Variants in DZIP3 observed in about 807,000 individuals in gnomAD.
The protein encoded by DZIP3 is DAZ interacting zinc finger protein 3, also known as E3 ubiquitin-protein ligase DZIP3.
A neutral mutation model predicts 162.0 loss-of-function variants in DZIP3; 118 were observed. The ratio of observed to expected loss-of-function variants is 0.73; its 90% CI spans 0.63 to 0.85. DZIP3 has a LOEUF of 0.85. Among genes scored for constraint, DZIP3 ranks in the 40% least tolerant of loss-of-function variants. The probability of loss-of-function intolerance (pLI) is 0.00; values close to 1 mark genes in which losing one functional copy is unlikely to be tolerated. For missense variants in DZIP3, 1,331 were observed against 1,407.0 expected, an observed-to-expected ratio of 0.95 and a Z score of 0.86; for synonymous variants, 438 against 458.6, an observed-to-expected ratio of 0.96 and a Z score of 0.57.
intron 6 of DZIP3, 51 bp downstream of exon 6, chr3:108,624,575 A>G (rs1941510197): frequency 9.8e-7 from 1 of 1,022,746 alleles, no homozygotes; most frequent in South Asian, 1.7e-5. Flanking sequence ...TCTTGGAATA[A>G]TCAGGCCAAA....
At chr3:108,591,170 A>G (rs1161212110) in intron 1 of DZIP3, among the ~76,000 whole-genome samples, 1 of 152,234 alleles carries the variant, frequency 6.6e-6, no homozygotes. Flanking sequence ...GAAATGGCAA[A>G]GAAAGACCCT....
At chr3:108,640,799 T>C (rs566488033) in intron 12 of DZIP3, among the ~76,000 whole-genome samples, 5 of 152,154 alleles carry the variant, frequency 3.3e-5, no homozygotes, top group Non-Finnish European at 5.9e-5. Context: ...TTTTGTCTGA[T>C]ATTAATATAG....
Position 108,644,187 on chromosome 3 carries a change from G to C in DZIP3, c.1165G>C (p.Asp389His), listed in dbSNP as rs749349996. ...AGATGAAATGCCTATCTTCAAGCTT[G>C]ATTATAATTATTTCTATCATCTGCT... is the stretch of plus-strand genomic sequence containing the variant. ...TKDEMPIFKLDYNYFYHLLHI... is the reference protein window; with the variant it reads ...TKDEMPIFKLHYNYFYHLLHI... The change falls in exon 14 of 33, where the codon GAT becomes CAT. Residue 389 changes from aspartate (D) to histidine (H), a missense_variant. Physicochemically the swap from Asp to His is moderately conservative, Grantham distance 81. Around this residue, in one of 2 missense-constraint regions of DZIP3, gnomAD observed 1,278 missense variants for 1,317.1 expected, o/e 0.97. Transcript: ENST00000361582. The C allele has an allele frequency of 1.9e-6, 3 of 1,602,426 alleles. No individual in the cohort carries two copies. The African/African-American group carries it at 4.0e-5, about 22-fold the overall frequency.
In DZIP3 at chr3:108,644,617, A is replaced by C; in HGVS notation, c.1595A>C (p.Lys532Thr). 1 of 1,614,022 alleles carries C rather than the reference A, an allele frequency of 6.2e-7. No individual in the cohort carries two copies. The highest frequency in any genetic ancestry group is 8.5e-7 in the Non-Finnish European group (1 of 1,179,944). ...TCACAGTTCAATTCAATTTGGAAAA[A>C]AGTTTCAGATATTCTTCTGCGCCTT... is the stretch of plus-strand genomic sequence containing the variant. ...TESQFNSIWK[K>T]VSDILLRLGM... The change falls in exon 14 of 33, where the codon AAA becomes ACA. Residue 532 changes from lysine (K) to threonine (T), a missense_variant. By Grantham distance (78) the Lys-to-Thr change is moderately conservative. Coordinates refer to ENST00000361582, the MANE Select transcript of DZIP3 (RefSeq NM_014648.4).
At chr3:108,621,169 A>G (rs1404199149) in intron 5 of DZIP3, among the ~76,000 whole-genome samples, 1 of 152,180 alleles carries the variant, frequency 6.6e-6, no homozygotes, top group Non-Finnish European at 1.5e-5. Flanking sequence ...AGTGTTCGTT[A>G]TATTATTATT....
rs1943159571 is a variant in DZIP3, at chr3:108,657,015, A to C, written c.2199+2705A>C. On this transcript the variant is annotated intron_variant, in intron 19 of 32. Coordinates refer to ENST00000361582, the MANE Select transcript of DZIP3 (RefSeq NM_014648.4). Reference sequence around the variant, plus strand: ...GACCAAATCTACGTCTGATTGGTGTACCTGAAAGTGATGGGGAGAATGCAA... The same window carrying C: ...GACCAAATCTACGTCTGATTGGTGTCCCTGAAAGTGATGGGGAGAATGCAA... Among the ~76,000 whole-genome samples, 4 of 152,238 alleles carry C rather than the reference A, an allele frequency of 2.6e-5. No individual in the cohort carries two copies. In the South Asian group the frequency reaches 8.3e-4, roughly 32 times the overall value.
chr3:108,677,401 G>A, intron 25 of DZIP3, 96 bp from the exon 26 acceptor site: 2 of 922,886 alleles, frequency 2.2e-6, no homozygotes, highest in South Asian at 3.1e-5. Context: ...AACCACTCTT[G>A]TATGTTGTAT....
intron 24 of DZIP3, 61 bp from the exon 25 acceptor site, chr3:108,675,725 T>A: frequency 6.9e-7 from 1 of 1,455,800 alleles, no homozygotes; most frequent in Non-Finnish European, 9.3e-7. Flanking sequence ...ATAGACATGT[T>A]TGGAAACCTA....
At chr3:108,608,029 TACA>T in intron 2 of DZIP3, 57 bp from the exon 3 acceptor site, 2 of 1,375,648 alleles carry the variant, frequency 1.5e-6, no homozygotes, top group Non-Finnish European at 2.1e-6. Context: ...TCTTTACTAC[TACA>T]ATTTGTGTTC....
chr3:108,625,629 C>A (rs908313140), intron 6 of DZIP3, among the ~76,000 whole-genome samples: 1 of 152,062 alleles, frequency 6.6e-6, no homozygotes, highest in African/African-American at 2.4e-5. Context: ...TAAAGAAGGT[C>A]TTAAGTTTAT....
At chr3:108,673,929 T>C in intron 23 of DZIP3, 149 bp from the exon 24 acceptor site, 1 of 583,304 alleles carries the variant, frequency 1.7e-6, no homozygotes, top group South Asian at 2.6e-5. Flanking sequence ...TTTAAAAGCT[T>C]TTGTAATGTA....
intron 21 of DZIP3, among the ~76,000 whole-genome samples, chr3:108,667,683 T>C (rs1429829195): frequency 6.6e-6 from 1 of 152,162 alleles, no homozygotes; most frequent in Non-Finnish European, 1.5e-5. Flanking sequence ...TTATTTCTTA[T>C]ACACGCATAT....
At chr3:108,657,868 C>T (rs1186101276) in intron 19 of DZIP3, among the ~76,000 whole-genome samples, 1 of 152,044 alleles carries the variant, frequency 6.6e-6, no homozygotes, top group Non-Finnish European at 1.5e-5. Context: ...GACTTTAAAC[C>T]AACAAAGATC....
At chr3:108,682,349 C>T (rs1487438063) in intron 26 of DZIP3, among the ~76,000 whole-genome samples, 1 of 150,938 alleles carries the variant, frequency 6.6e-6, no homozygotes, top group Non-Finnish European at 1.5e-5. Flanking sequence ...TATTATTTAC[C>T]ATTGCTAAGA....
chr3:108,657,156 C>T (rs1485119167), intron 19 of DZIP3, among the ~76,000 whole-genome samples: 3 of 152,050 alleles, frequency 2.0e-5, no homozygotes, highest in Non-Finnish European at 2.9e-5. Context: ...AGATACTACT[C>T]GAGAAGAGCA....
intron 19 of DZIP3, among the ~76,000 whole-genome samples, chr3:108,658,897 T>G (rs1004894807): frequency 6.6e-6 from 1 of 151,998 alleles, no homozygotes; most frequent in Non-Finnish European, 1.5e-5. Context: ...CTAGAAGAAA[T>G]GGATAAATTC....
intron 28 of DZIP3, among the ~76,000 whole-genome samples, 180 bp from the exon 29 acceptor site, chr3:108,687,796 T>C (rs77204754): frequency 0.012 from 1,789 of 152,300 alleles, 40 homozygotes; most frequent in African/African-American, 0.041. Context: ...GTTTTCCTTT[T>C]GGTTTAAGAT....
chr3:108,593,261 A>G (rs886589395), intron 1 of DZIP3, among the ~76,000 whole-genome samples: 2 of 152,212 alleles, frequency 1.3e-5, no homozygotes, highest in Non-Finnish European at 2.9e-5. Flanking sequence ...TCTAATCTTT[A>G]TAACAACCCC....
rs1559713599 is a variant in DZIP3 at position 108,596,027 on chromosome 3, GGTAA to G, written c.-73+6192_-73+6195del. On this transcript the variant is annotated intron_variant, in intron 1 of 32. Transcript: ENST00000361582. ...TAAGTAAAATTACATGAATGATAGC[GGTAA>G]GTATTAGGGAGTGAAAAAAGGGAGG... Among the ~76,000 whole-genome samples the G allele has an allele frequency of 5.9e-5, 9 of 152,266 alleles. No individual in the cohort carries two copies. The South Asian group carries it at 1.9e-3, about 32-fold the overall frequency.
Sources: gnomAD v4.1 joint callset for allele counts (sites outside exome capture counted in the v4.1 genomes callset) on GRCh38, gnomAD v4.1.1 for gene constraint, gnomAD v4.1.1 regional missense constraint, MANE v1.5 for transcripts, NCBI Gene and HGNC (gene_info 2026-07-23, HGNC 2026-07-21) for gene names.